HEATR9: variants seen among roughly 807,000 people sequenced by gnomAD.
HEATR9 encodes protein HEATR9.
Under a neutral mutation model 68.2 loss-of-function variants are expected in HEATR9, and 54 were observed. That is an observed-to-expected ratio of 0.79 (90% CI 0.64 to 0.99). HEATR9 has a LOEUF of 0.99. Among genes scored for constraint, HEATR9 ranks in the 50% least tolerant of loss-of-function variants. HEATR9 has a pLI of 0.00. For missense variants in HEATR9, 662 were observed against 679.7 expected (o/e 0.97, Z 0.29); for synonymous variants, 241 against 253.5 (o/e 0.95, Z 0.47).
At chr17:35,866,608 G>A (rs1389351007) in intron 2 of HEATR9, 116 bp downstream of exon 2, 11 of 962,444 alleles carry the variant, frequency 1.1e-5, no homozygotes, top group Non-Finnish European at 1.8e-5. Context: ...ACAGTTAATG[G>A]CAGCCCCAGG....
intron 8 of HEATR9, chr17:35,861,184 T>C (rs982815177): frequency 2.4e-5 from 38 of 1,600,238 alleles, no homozygotes; most frequent in South Asian, 4.4e-5. Flanking sequence ...GATGTTTTGC[T>C]TGACTTCTTT....
At chr17:35,856,145 TG>T (rs2087763451) in intron 13 of HEATR9, 27 bp downstream of exon 13, 1 of 1,608,130 alleles carries the variant, frequency 6.2e-7, no homozygotes, top group African/African-American at 1.3e-5. Flanking sequence ...ACACAGGAAT[TG>T]GGTCAGAGAA....
rs1178995317 is a variant in HEATR9 at position 35,864,762 on chromosome 17, A to G, written c.449T>C (p.Leu150Ser). 1 of 1,614,184 alleles carries G rather than the reference A, an allele frequency of 6.2e-7. No homozygotes were observed. Among genetic ancestry groups the G allele is most frequent in the Admixed American group, 1.7e-5 (1 of 60,014 alleles). Residue 150 changes from leucine (L) to serine (S), a missense_variant, in exon 4 of 15, where the codon TTA becomes TCA. Leu to Ser is a moderately radical substitution (Grantham distance 145). Coordinates refer to ENST00000604834, the MANE Select transcript of HEATR9 (RefSeq NM_152781.4). ...CCTCTCCCACATGGTCCTGACCCTT[A>G]ATCTTTGCCACTTCAGGGGGTCCTG... ...PTQDPLKWQR[L>S]RELTKSLESP...
At position 35,855,029 on chromosome 17, in the gene HEATR9, G is replaced by T. The variant is rs749195628; in HGVS notation, c.*34C>A. Reference sequence around the variant, plus strand: ...ATGGGAGCCTGAGAAGCATCTTCAGGGAGGGAGTCGGGGAGTAGGCCCAAA... The same window carrying T: ...ATGGGAGCCTGAGAAGCATCTTCAGTGAGGGAGTCGGGGAGTAGGCCCAAA... On this transcript the variant is annotated 3_prime_UTR_variant, in exon 15 of 15. Coordinates refer to ENST00000604834, the MANE Select transcript of HEATR9 (RefSeq NM_152781.4). 8 of 1,544,762 alleles carry T rather than the reference G, an allele frequency of 5.2e-6. No homozygotes were observed. The South Asian group carries it at 8.0e-5, about 15-fold the overall frequency.
At chr17:35,860,624 G>A (rs2087953619) in intron 8 of HEATR9, among the ~76,000 whole-genome samples, 1 of 150,272 alleles carries the variant, frequency 6.7e-6, no homozygotes, top group African/African-American at 2.4e-5. Flanking sequence ...CAAGTAGCTG[G>A]GACTACAGGC....
intron 2 of HEATR9, 33 bp downstream of exon 2, chr17:35,866,691 A>C: frequency 1.9e-6 from 3 of 1,600,954 alleles, no homozygotes; most frequent in Non-Finnish European, 2.6e-6. Flanking sequence ...ACTTTGATAC[A>C]GCTCCCAGGG....
At chr17:35,860,860 A>G (rs548486152) in intron 8 of HEATR9, among the ~76,000 whole-genome samples, 101 of 151,680 alleles carry the variant, frequency 6.7e-4, no homozygotes, top group Non-Finnish European at 1.3e-3. Context: ...CCTGGCCAAT[A>G]TGGTGAAACC....
Position 35,867,428 on chromosome 17 carries a change from C to CAA in HEATR9, c.89-657_89-656dup, listed in dbSNP as rs11315915. ...CCAGCCTGGGTAACAGAGCAAGACT[C>CAA]AAAAAAAAAAAAAAAAAAAAAAAAA... On this transcript the variant is annotated intron_variant, in intron 1 of 14. Coordinates refer to ENST00000604834, the MANE Select transcript of HEATR9 (RefSeq NM_152781.4). Among the ~76,000 whole-genome samples, 243 of 40,084 alleles carry CAA rather than the reference C, an allele frequency of 6.1e-3. 24 individuals carry two copies. Among genetic ancestry groups the CAA allele is most frequent in the African/African-American group, 0.024 (216 of 9,136 alleles). 26.3% of individuals were successfully genotyped at this position (40,084 alleles called of 152,430 possible).
Position 35,858,259 on chromosome 17 carries a change from C to G in HEATR9, c.1093G>C (p.Gly365Arg). 1 of 1,614,118 alleles carries G rather than the reference C, an allele frequency of 6.2e-7. No individual in the cohort carries two copies. The highest frequency in any genetic ancestry group is 8.5e-7 in the Non-Finnish European group (1 of 1,180,006). Reference sequence around the variant, plus strand: ...AGGTTAAATGTGAGTTCCTCTAGCCCCTGTGCCTGGATCTGTTCCAGCCCA... The same window carrying G: ...AGGTTAAATGTGAGTTCCTCTAGCCGCTGTGCCTGGATCTGTTCCAGCCCA... ...TIGLEQIQAQ[G>R]LEELTFNLLR... Residue 365 changes from glycine to arginine, a missense_variant, in exon 11 of 15, where the codon GGG becomes CGG. Coordinates refer to ENST00000604834, the MANE Select transcript of HEATR9 (RefSeq NM_152781.4).
intron 6 of HEATR9, chr17:35,863,814 T>A: frequency 1.7e-6 from 1 of 578,604 alleles, no homozygotes; most frequent in Non-Finnish European, 3.1e-6. Context: ...CCTTGGTCTC[T>A]CAGAGCTTTC....
intron 9 of HEATR9, 74 bp downstream of exon 9, chr17:35,858,814 G>T: frequency 6.6e-7 from 1 of 1,522,134 alleles, no homozygotes; most frequent in Non-Finnish European, 9.0e-7. Flanking sequence ...CACCAGGATG[G>T]CAGGATCCAG....
rs1018173276 is a variant in HEATR9, at chr17:35,858,982, G to A, written c.845C>T (p.Ala282Val). Residue 282 changes from alanine (A) to valine (V), a missense_variant, in exon 9 of 15, where the codon GCC becomes GTC. Physicochemically the swap from Ala to Val is moderately conservative, Grantham distance 64. Transcript: ENST00000604834. ...AGGCCTCAGGAAACCCAGGCACAGG[G>A]CTGCCTCCAGAGATGCTTCACTGGA... ...KSSSEASLEA[A>V]LCLGFLRPCS... The A allele has an allele frequency of 6.2e-7, 1 of 1,614,190 alleles. No individual in the cohort carries two copies. Among genetic ancestry groups the A allele is most frequent in the Non-Finnish European group, 8.5e-7 (1 of 1,180,044 alleles).
Position 35,864,784 on chromosome 17 carries a change from C to A in HEATR9, c.427G>T (p.Asp143Tyr), listed in dbSNP as rs761216795. 3.1e-6 allele frequency: 5 copies of A among 1,614,036 alleles called. No homozygotes were observed. In the Admixed American group the frequency reaches 8.3e-5, roughly 27 times the overall value. The part of the protein sequence containing the change: ...MRSRPLEPTQ[D>Y]PLKWQRLREL... ...CTTAATCTTTGCCACTTCAGGGGGT[C>A]CTGGGTAGGCTCTAAGGGCCTGGAT... The change falls in exon 4 of 15, where the codon GAC becomes TAC. Residue 143 changes from aspartate (D) to tyrosine (Y), a missense_variant. Transcript: ENST00000604834.
chr17:35,867,336 G>C (rs1013725453), intron 1 of HEATR9, among the ~76,000 whole-genome samples: 11 of 148,372 alleles, frequency 7.4e-5, no homozygotes, highest in Admixed American at 3.4e-4. Flanking sequence ...TTGAGAGGCT[G>C]AGGCAGGAGA....
At chr17:35,864,698 C>T (rs2088129496) in intron 4 of HEATR9, 60 bp downstream of exon 4, 2 of 1,609,518 alleles carry the variant, frequency 1.2e-6, no homozygotes, top group South Asian at 2.2e-5. Flanking sequence ...TGGTGTGAGC[C>T]CAAGGGAAGG....
Position 35,864,734 on chromosome 17 carries a change from CGTCCTCTCCCACATG to C in HEATR9, c.453+9_453+23del. ...GCACCCACAGGGAGGGAGTCCCCCA[CGTCCTCTCCCACATG>C]GTCCTGACCCTTAATCTTTGCCACT... On this transcript the variant is annotated intron_variant, in intron 4 of 14. Coordinates refer to ENST00000604834, the MANE Select transcript of HEATR9 (RefSeq NM_152781.4). 1 of 1,613,482 alleles carries C rather than the reference CGTCCTCTCCCACATG, an allele frequency of 6.2e-7. No individual in the cohort carries two copies. The highest frequency in any genetic ancestry group is 8.5e-7 in the Non-Finnish European group (1 of 1,179,494).
chr17:35,857,387 A>C (rs1013077629), intron 11 of HEATR9, among the ~76,000 whole-genome samples: 1 of 152,344 alleles, frequency 6.6e-6, no homozygotes, highest in African/African-American at 2.4e-5. Context: ...AGCCATCCAC[A>C]GGGCATTGGG....
At chr17:35,857,587 G>A (rs1347573513) in intron 11 of HEATR9, among the ~76,000 whole-genome samples, 8 of 152,118 alleles carry the variant, frequency 5.3e-5, no homozygotes, top group Admixed American at 1.3e-4. Context: ...ATGAAACCCC[G>A]TCTCTACTAA....
At position 35,858,201 on chromosome 17, in the gene HEATR9, AG is replaced by A; in HGVS notation, c.1150del (p.Ala385LeufsTer2). ...LRRKTHNEPF[L>X]AVRQAVAQTV... is the part of the protein sequence containing the mutation. ...CTTGGGAGCTTTGGTCTCACTTACA[AG>A]GAAGGGTTCATTATGCGTCTTCCTC... On this transcript the variant is annotated frameshift_variant and splice_region_variant, in exon 11 of 15. Transcript: ENST00000604834. LOFTEE classifies it high-confidence loss of function. 1 of 1,614,136 alleles carries A rather than the reference AG, an allele frequency of 6.2e-7. No individual in the cohort carries two copies. Among genetic ancestry groups the A allele is most frequent in the East Asian group, 2.2e-5 (1 of 44,876 alleles).
Sources: gnomAD v4.1 joint callset for allele counts (sites outside exome capture counted in the v4.1 genomes callset) on GRCh38, gnomAD v4.1.1 for gene constraint, MANE v1.5 for transcripts, NCBI Gene and HGNC (gene_info 2026-07-23, HGNC 2026-07-21) for gene names.